MARS1: variants seen among roughly 807,000 people sequenced by gnomAD.
The protein encoded by MARS1 is methionine--tRNA ligase, cytoplasmic.
In MARS1, 80 loss-of-function variants were observed where a neutral mutation model predicts 119.5. The ratio of observed to expected loss-of-function variants is 0.67; its 90% CI spans 0.56 to 0.81. MARS1 has a LOEUF of 0.81. MARS1 is among the 30% of genes least tolerant of loss of function. The probability of loss-of-function intolerance (pLI) is 0.00; values close to 1 mark genes in which losing one functional copy is unlikely to be tolerated. For missense variants in MARS1, 945 were observed against 1,116.5 expected, an observed-to-expected ratio of 0.85 and a Z score of 2.19; for synonymous variants, 418 against 433.4, an observed-to-expected ratio of 0.96 and a Z score of 0.44.
chr12:57,489,733 T>G, intron 4 of MARS1, 163 bp from the exon 5 acceptor site: 1 of 1,070,548 alleles, frequency 9.3e-7, no homozygotes, highest in South Asian at 1.4e-5. Flanking sequence ...GGGATAATAT[T>G]AGTACCTATC....
At chr12:57,494,376 G>T (rs925815093) in intron 7 of MARS1, among the ~76,000 whole-genome samples, 4 of 141,302 alleles carry the variant, frequency 2.8e-5, no homozygotes, top group African/African-American at 5.3e-5. Context: ...CGTCCAGGCT[G>T]GAGTGCAATG....
At chr12:57,495,662 G>A (rs374944375) in intron 7 of MARS1, among the ~76,000 whole-genome samples, 65 of 152,326 alleles carry the variant, frequency 4.3e-4, no homozygotes, top group African/African-American at 1.5e-3. Context: ...CTGGGAGGTG[G>A]AGGTTGTAGC....
chr12:57,493,487 ATAATATATTATAAT>A (rs1876180577), intron 7 of MARS1, among the ~76,000 whole-genome samples: 1 of 17,004 alleles, frequency 5.9e-5, no homozygotes, highest in Non-Finnish European at 8.9e-5. Flanking sequence ...TATATAATAT[ATAATATATTATAAT>A]ATATAATATA....
intron 11 of MARS1, among the ~76,000 whole-genome samples, chr12:57,508,417 G>A (rs955218065): frequency 6.6e-6 from 1 of 152,248 alleles, no homozygotes; most frequent in Non-Finnish European, 1.5e-5. Context: ...CCGGCACCTC[G>A]GGAGGCCGAG....
intron 5 of MARS1, 61 bp downstream of exon 5, chr12:57,490,032 A>G: frequency 6.6e-7 from 1 of 1,515,784 alleles, no homozygotes; most frequent in Non-Finnish European, 9.2e-7. Flanking sequence ...CAGAATGGGC[A>G]GTAGAATACT....
chr12:57,502,586 A>G (rs563888622), intron 10 of MARS1, among the ~76,000 whole-genome samples: 202 of 152,008 alleles, frequency 1.3e-3, no homozygotes, highest in African/African-American at 4.5e-3. Flanking sequence ...CGTGCCTGTA[A>G]TCCCAGCTAC....
In MARS1 at chr12:57,512,011, T is replaced by A. The variant is rs750886790; in HGVS notation, c.1543T>A (p.Phe515Ile). The A allele has an allele frequency of 6.2e-7, 1 of 1,614,098 alleles. No individual in the cohort carries two copies. The highest frequency in any genetic ancestry group is 8.5e-7 in the Non-Finnish European group (1 of 1,179,910). ...TTTACCTCCTTCTGACCTCCAGGTATTCTATGTCTGGTTTGATGCCACTAT... is the reference window on the plus strand; with the variant it reads ...TTTACCTCCTTCTGACCTCCAGGTAATCTATGTCTGGTTTGATGCCACTAT... ...VPLEGFEDKV[F>I]YVWFDATIGY... is the part of the protein sequence containing the mutation. Residue 515 changes from phenylalanine (F) to isoleucine (I), a missense_variant, in exon 13 of 21, where the codon TTC becomes ATC. Physicochemically the swap from Phe to Ile is conservative, Grantham distance 21. Transcript: ENST00000262027.
intron 7 of MARS1, among the ~76,000 whole-genome samples, 184 bp downstream of exon 7, chr12:57,490,828 TGGACACTCCATCTGTCCCATCTGCACCCA>T (rs1565638124): frequency 6.7e-6 from 1 of 149,622 alleles, no homozygotes; most frequent in African/African-American, 2.5e-5. Context: ...CCTATCATTT[TGGACACTCCATCTGTCCCATCTGCACCCA>T]TGTTTTTCTT....
intron 10 of MARS1, among the ~76,000 whole-genome samples, chr12:57,502,228 G>GAA (rs1232228339): frequency 2.0e-5 from 3 of 152,164 alleles, no homozygotes; most frequent in Non-Finnish European, 4.4e-5. Flanking sequence ...TACCATCTGT[G>GAA]AACGTGAGTG....
At chr12:57,495,986 C>G (rs546462476) in intron 7 of MARS1, among the ~76,000 whole-genome samples, 3 of 151,976 alleles carry the variant, frequency 2.0e-5, no homozygotes, top group Non-Finnish European at 2.9e-5. Flanking sequence ...AGAGGGAGAC[C>G]GTGGAAAGTG....
chr12:57,515,374 C>G (rs1038136308), intron 18 of MARS1, 38 bp downstream of exon 18: 1 of 1,593,402 alleles, frequency 6.3e-7, no homozygotes. Flanking sequence ...AATTGATACT[C>G]TTGCCATGCA....
intron 7 of MARS1, among the ~76,000 whole-genome samples, chr12:57,493,894 TTA>T (rs1876418927): frequency 1.7e-5 from 1 of 58,452 alleles, no homozygotes. Context: ...TAATATATAT[TTA>T]TGTTATATAA....
intron 7 of MARS1, among the ~76,000 whole-genome samples, chr12:57,493,157 T>C (rs1332858913): frequency 1.3e-5 from 2 of 150,088 alleles, no homozygotes; most frequent in African/African-American, 4.9e-5. Flanking sequence ...TCTTCACTAA[T>C]TTGTAAGCTC....
chr12:57,495,112 C>T (rs1876528009), intron 7 of MARS1, among the ~76,000 whole-genome samples: 2 of 149,244 alleles, frequency 1.3e-5, no homozygotes, highest in African/African-American at 2.5e-5. Flanking sequence ...ACCTCCCGGG[C>T]TGGGTGGCGG....
At chr12:57,496,113 C>G (rs1876616544) in intron 7 of MARS1, among the ~76,000 whole-genome samples, 1 of 151,632 alleles carries the variant, frequency 6.6e-6, no homozygotes, top group Non-Finnish European at 1.5e-5. Flanking sequence ...ATCCACTTGT[C>G]TCGGCCTCCC....
chr12:57,515,173 G>C lies in MARS1; in HGVS notation c.2228G>C (p.Gly743Ala). 6.2e-7 allele frequency: 1 copy of C among 1,614,224 alleles called. No individual in the cohort carries two copies. Among genetic ancestry groups the C allele is most frequent in the East Asian group, 2.2e-5 (1 of 44,892 alleles). The change falls in exon 18 of 21, where the codon GGC (glycine) becomes GCC (alanine). Residue 743 changes from glycine to alanine, a missense_variant. By Grantham distance (60) the Gly-to-Ala change is moderately conservative. Coordinates refer to ENST00000262027, the MANE Select transcript of MARS1 (RefSeq NM_004990.4). ...AGGCAACGGGCAGGAACAGTGACTG[G>C]CTTGGCAGTGAATATAGCTGCCTTG... ...ADRQRAGTVT[G>A]LAVNIAALLS...
chr12:57,502,660 T>C (rs1478342261), intron 10 of MARS1, among the ~76,000 whole-genome samples: 1 of 136,990 alleles, frequency 7.3e-6, no homozygotes, highest in Non-Finnish European at 1.5e-5. Flanking sequence ...GAGCTGAGAT[T>C]ACGCTACTGC....
In MARS1 at chr12:57,512,870, C is replaced by T. The variant is rs754546247; in HGVS notation, c.1873C>T (p.Arg625Trp). The T allele has an allele frequency of 1.9e-5, 31 of 1,614,090 alleles. No individual in the cohort carries two copies. Among genetic ancestry groups the T allele is most frequent in the South Asian group, 5.5e-5 (5 of 91,086 alleles). ...DIWRFYLLYI[R>W]PEGQDSAFSW... ...CTGGCGCTTCTATCTGCTGTACATT[C>T]GGCCTGAGGGCCAGGACAGTGCTTT... Residue 625 changes from arginine (R) to tryptophan (W), a missense_variant, in exon 15 of 21, where the codon CGG (arginine) becomes TGG (tryptophan). Coordinates refer to ENST00000262027, the MANE Select transcript of MARS1 (RefSeq NM_004990.4).
intron 1 of MARS1, chr12:57,488,733 T>C: frequency 7.3e-7 from 1 of 1,366,748 alleles, no homozygotes; most frequent in South Asian, 1.2e-5. Flanking sequence ...ATATCCCAGT[T>C]ACTTTCAGTC....
Sources: gnomAD v4.1 joint callset for allele counts (sites outside exome capture counted in the v4.1 genomes callset) on GRCh38, gnomAD v4.1.1 for gene constraint, MANE v1.5 for transcripts, NCBI Gene and HGNC (gene_info 2026-07-23, HGNC 2026-07-21) for gene names.